Variants in UNKL observed in about 807,000 individuals in gnomAD.
UNKL encodes the protein putative E3 ubiquitin-protein ligase UNKL.
Under a neutral mutation model 78.0 loss-of-function variants are expected in UNKL, and 60 were observed. The ratio of observed to expected loss-of-function variants is 0.77; its 90% CI spans 0.63 to 0.95. The LOEUF is 0.95. UNKL is among the 40% of genes least tolerant of loss of function. The pLI, the probability that UNKL is intolerant of heterozygous loss-of-function variation, is 0.00. For missense variants in UNKL, 1,159 were observed against 1,045.7 expected (o/e 1.11, Z -1.49); for synonymous variants, 608 against 474.8 (o/e 1.28, Z -3.65).
Position 1,366,110 on chromosome 16 carries a change from CGT to C in UNKL, c.*128_*129del, listed in dbSNP as rs986777580. 1.0e-5 allele frequency: 12 copies of C among 1,154,062 alleles called. No individual in the cohort carries two copies. Among genetic ancestry groups the C allele is most frequent in the East Asian group, 8.6e-5 (3 of 35,050 alleles). The allele number at this position is 1,154,062 out of a possible 1,614,324, so 71.5% of individuals were successfully genotyped here. ...GGCGGGGCTCCCAGCCTCATGATAA[CGT>C]GTAACAGGAAGGGCTCCCAGCCTCG... is the stretch of plus-strand genomic sequence containing the variant. On this transcript the variant is annotated 3_prime_UTR_variant, in exon 15 of 15. Coordinates refer to ENST00000389221, the MANE Select transcript of UNKL (RefSeq NM_001372107.1).
intron 2 of UNKL, among the ~76,000 whole-genome samples, chr16:1,413,540 C>A (rs535498681): frequency 6.6e-6 from 1 of 152,156 alleles, no homozygotes; most frequent in Non-Finnish European, 1.5e-5. Context: ...TGCACTCCAG[C>A]CAGAGCAACA....
rs892571315 is a variant in UNKL, at chr16:1,392,941, C to T, written c.973G>A (p.Asp325Asn). 13 of 1,550,404 alleles carry T rather than the reference C, an allele frequency of 8.4e-6. No individual in the cohort carries two copies. Among genetic ancestry groups the T allele is most frequent in the African/African-American group, 2.7e-5 (2 of 73,052 alleles). ...GAGGAAGGACTCGTGAGGTGGAGGTCGTGACAGCCCCATTCATTCACCATC... is the reference window on the plus strand; with the variant it reads ...GAGGAAGGACTCGTGAGGTGGAGGTTGTGACAGCCCCATTCATTCACCATC... ...LGMVNEWGCH[D>N]LHLTSPSSTG... is the part of the protein sequence containing the mutation. Residue 325 changes from aspartate to asparagine, a missense_variant, in exon 8 of 15, where the codon GAC (aspartate) becomes AAC (asparagine). By Grantham distance (23) the Asp-to-Asn change is conservative. Coordinates refer to ENST00000389221, the MANE Select transcript of UNKL (RefSeq NM_001372107.1).
At chr16:1,391,185 ACACACACAC>A (rs1196242853) in intron 8 of UNKL, among the ~76,000 whole-genome samples, 1 of 150,088 alleles carries the variant, frequency 6.7e-6, no homozygotes, top group African/African-American at 2.5e-5. Flanking sequence ...ACACACACAC[ACACACACAC>A]AATATATATG....
Position 1,407,708 on chromosome 16 carries a change from A to G in UNKL, c.288-4364T>C, listed in dbSNP as rs189175891. On this transcript the variant is annotated intron_variant, in intron 2 of 14. Transcript: ENST00000389221. ...GAGGCCCTGTCAAAAAAAAAAAAAAAAGGACAAACCTGTGTCTGTGTGTCA... is the reference window on the plus strand; with the variant it reads ...GAGGCCCTGTCAAAAAAAAAAAAAAGAGGACAAACCTGTGTCTGTGTGTCA... 6.2e-3 allele frequency among the ~76,000 whole-genome samples: 941 copies of G among 151,264 alleles called. 6 individuals carry two copies. The highest frequency in any genetic ancestry group is 0.01 in the Non-Finnish European group (693 of 67,816).
intron 10 of UNKL, among the ~76,000 whole-genome samples, chr16:1,376,844 C>A (rs572317271): frequency 6.6e-6 from 1 of 152,122 alleles, no homozygotes; most frequent in African/African-American, 2.4e-5. Context: ...ATTTCAGCAC[C>A]GCACAGTAAT....
chr16:1,407,423 A>T (rs1375896830), intron 2 of UNKL: 1 of 151,878 alleles, frequency 6.6e-6, no homozygotes, highest in Non-Finnish European at 1.5e-5. Context: ...TGGAAAGAAG[A>T]CAGAGGCCGG....
intron 2 of UNKL, among the ~76,000 whole-genome samples, chr16:1,404,082 G>A (rs983832956): frequency 5.3e-5 from 8 of 152,256 alleles, no homozygotes; most frequent in Admixed American, 2.0e-4. Context: ...AAACCGCTCT[G>A]GCATTCCTGG....
At chr16:1,412,653 A>G (rs2038092239) in intron 2 of UNKL, among the ~76,000 whole-genome samples, 1 of 152,242 alleles carries the variant, frequency 6.6e-6, no homozygotes, top group South Asian at 2.1e-4. Context: ...TTACTGTCTT[A>G]AAATTAAAAT....
rs1567195945 is a variant in UNKL, at chr16:1,367,242, C to T, written c.1896G>A (p.Gln632=). Residue 632 remains glutamine (Q), a synonymous_variant, in exon 14 of 15, where the codon CAG becomes CAA. Transcript: ENST00000389221. Reference sequence around the variant, plus strand: ...CCAGCTCCTCCTGCAGCTGCTTCACCTGTGCCTCCACCTCCTCCTTCTTCT... The same window carrying T: ...CCAGCTCCTCCTGCAGCTGCTTCACTTGTGCCTCCACCTCCTCCTTCTTCT... ...ALQKKEEVEA[Q]VKQLQEELEG... is the part of the protein sequence containing the mutation. 6.3e-7 allele frequency: 1 copy of T among 1,594,094 alleles called. No individual in the cohort carries two copies. Among genetic ancestry groups the T allele is most frequent in the South Asian group, 1.1e-5 (1 of 87,964 alleles).
At chr16:1,383,907 A>G in intron 10 of UNKL, 1 of 363,258 alleles carries the variant, frequency 2.8e-6, no homozygotes, top group Non-Finnish European at 6.0e-6. Flanking sequence ...CAGAGGATGT[A>G]GGAGAGGAAG....
chr16:1,405,978 C>T (rs1426515231), intron 2 of UNKL: 10 of 456,634 alleles, frequency 2.2e-5, no homozygotes, highest in Non-Finnish European at 4.4e-5. Context: ...ATCAAAATCA[C>T]CTAGGAGGCC....
chr16:1,385,629 CT>C (rs2036784389), intron 9 of UNKL, among the ~76,000 whole-genome samples: 1 of 152,214 alleles, frequency 6.6e-6, no homozygotes, highest in Non-Finnish European at 1.5e-5. Context: ...GTCTCGTGAG[CT>C]TTTCTGCAGA....
chr16:1,399,674 G>A lies in UNKL; in HGVS notation c.599-165C>T, dbSNP rs536918045. The A allele has an allele frequency of 1.8e-5, 19 of 1,069,356 alleles. No individual in the cohort carries two copies. The highest frequency in any genetic ancestry group is 7.4e-5 in the South Asian group (5 of 67,828). 66.2% of individuals were successfully genotyped at this position (1,069,356 alleles called of 1,614,324 possible). A position where few individuals can be genotyped will look rare whatever the true frequency, so the allele number is the denominator to read the frequency against. On this transcript the variant is annotated intron_variant, in intron 4 of 14. Transcript: ENST00000389221. This position sits in a 1 kb window ranked among gnomAD's most constrained non-coding sequence, Gnocchi z 5.8. ...GGCACACGCTGATGTCAAAGGACTC[G>A]CGCTCCATGAGGGAAGCCGGGCCAG... is the stretch of plus-strand genomic sequence containing the variant.
chr16:1,405,633 C>T (rs1349048773), intron 2 of UNKL, among the ~76,000 whole-genome samples: 1 of 151,824 alleles, frequency 6.6e-6, no homozygotes, highest in Admixed American at 6.6e-5. Context: ...CTTACGGACA[C>T]CTAGGAGGTG....
At chr16:1,390,326 G>A (rs111736674) in intron 9 of UNKL, among the ~76,000 whole-genome samples, 18 of 152,184 alleles carry the variant, frequency 1.2e-4, no homozygotes, top group African/African-American at 4.1e-4. Flanking sequence ...TCCTTCCCTC[G>A]CAGCCCAAAA....
chr16:1,384,365 C>G (rs2036727918), intron 10 of UNKL, among the ~76,000 whole-genome samples: 1 of 152,098 alleles, frequency 6.6e-6, no homozygotes, highest in African/African-American at 2.4e-5. Context: ...GCTGCCCACT[C>G]CGGGCTTCTG....
chr16:1,388,390 G>A (rs895812636), intron 9 of UNKL, among the ~76,000 whole-genome samples: 7 of 152,108 alleles, frequency 4.6e-5, no homozygotes, highest in Non-Finnish European at 7.4e-5. Context: ...AGCCAAGGCC[G>A]CCTCCTTCCC....
In UNKL at chr16:1,385,491, G is replaced by A. The variant is rs578038307; in HGVS notation, c.1087-106C>T. On this transcript the variant is annotated intron_variant, in intron 9 of 14. Transcript: ENST00000389221. ...CCGCGGGACGGCGGCCAACTTCTAC[G>A]CCCTGGCGAGGCCCAGGGAGAGCTT... 255 of 1,166,508 alleles carry A rather than the reference G, an allele frequency of 2.2e-4. 1 individual carries two copies. The highest frequency in any genetic ancestry group is 1.2e-3 in the South Asian group (41 of 33,642). 72.3% of individuals were successfully genotyped at this position (1,166,508 alleles called of 1,614,324 possible). A position where few individuals can be genotyped will look rare whatever the true frequency, so the allele number is the denominator to read the frequency against.
chr16:1,370,767 G>T (rs1028831658), intron 11 of UNKL, among the ~76,000 whole-genome samples: 7 of 152,234 alleles, frequency 4.6e-5, no homozygotes, highest in African/African-American at 1.7e-4. Context: ...TGAATGAAAA[G>T]ATGTTGTATA....
Sources: gnomAD v4.1 joint callset for allele counts (sites outside exome capture counted in the v4.1 genomes callset) on GRCh38, gnomAD v4.1.1 for gene constraint, Gnocchi (gnomAD v3.1) non-coding constraint, MANE v1.5 for transcripts, NCBI Gene and HGNC (gene_info 2026-07-23, HGNC 2026-07-21) for gene names.